Variants in AUTS2 observed in about 807,000 individuals in gnomAD.
AUTS2 encodes the protein activator of transcription and developmental regulator AUTS2, also known as autism susceptibility gene 2 protein.
In AUTS2, 17 loss-of-function variants were observed where a neutral mutation model predicts 112.4. The observed-to-expected ratio is 0.15, with a 90% CI of 0.10 to 0.23. AUTS2 has a LOEUF of 0.23. Among genes scored for constraint, AUTS2 ranks in the 10% least tolerant of loss-of-function variants. The pLI, the probability that AUTS2 is intolerant of heterozygous loss-of-function variation, is 1.00. For synonymous variants in AUTS2, 751 were observed against 702.7 expected, an observed-to-expected ratio of 1.07 and a Z score of -1.09; for missense variants, 1,510 against 1,701.6, an observed-to-expected ratio of 0.89 and a Z score of 1.98.
intron 2 of AUTS2, among the ~76,000 whole-genome samples, chr7:70,005,183 C>T (rs1426321463): frequency 6.6e-6 from 1 of 152,024 alleles, no homozygotes; most frequent in African/African-American, 2.4e-5. Flanking sequence ...GAAGCACATC[C>T]AGCTGCTGAA....
chr7:70,037,547 A>T (rs550619256), intron 2 of AUTS2, among the ~76,000 whole-genome samples: 5 of 152,330 alleles, frequency 3.3e-5, no homozygotes, highest in Non-Finnish European at 7.4e-5. Context: ...TTATTTAAAA[A>T]TATTTTAAAA....
intron 5 of AUTS2, among the ~76,000 whole-genome samples, chr7:70,625,609 G>A (rs1034382874): frequency 9.2e-5 from 14 of 152,210 alleles, no homozygotes; most frequent in Non-Finnish European, 1.5e-4. Flanking sequence ...GTAACCGCTT[G>A]TACCAAACAC....
At chr7:70,183,638 T>A (rs1265966368) in intron 4 of AUTS2, among the ~76,000 whole-genome samples, 2 of 152,224 alleles carry the variant, frequency 1.3e-5, no homozygotes, top group South Asian at 4.1e-4. Flanking sequence ...TTCCCTTTCC[T>A]CTTCCTTCTG....
chr7:69,658,448 A>G (rs1795641875), intron 1 of AUTS2, among the ~76,000 whole-genome samples: 1 of 152,222 alleles, frequency 6.6e-6, no homozygotes, highest in South Asian at 2.1e-4. Flanking sequence ...TAAGTTTTAG[A>G]GGTAGTGGTT....
At chr7:70,251,664 A>G (rs888430506) in intron 4 of AUTS2, among the ~76,000 whole-genome samples, 14 of 152,078 alleles carry the variant, frequency 9.2e-5, no homozygotes, top group South Asian at 2.1e-4. Flanking sequence ...TTTCTGTACT[A>G]CATTCCAGAT....
intron 1 of AUTS2, among the ~76,000 whole-genome samples, chr7:69,737,716 G>C (rs1375118315): frequency 6.6e-6 from 1 of 152,090 alleles, no homozygotes; most frequent in Non-Finnish European, 1.5e-5. Flanking sequence ...TCACCCTCTT[G>C]TTTTGCTCAT....
intron 4 of AUTS2, among the ~76,000 whole-genome samples, chr7:70,342,963 G>A (rs75604166): frequency 0.014 from 2,195 of 152,222 alleles, 29 homozygotes; most frequent in Non-Finnish European, 0.02. Context: ...ATACAGGATT[G>A]TTTCTAAGAA....
chr7:69,707,756 A>G (rs2129197181), intron 1 of AUTS2, among the ~76,000 whole-genome samples: 1 of 152,350 alleles, frequency 6.6e-6, no homozygotes, highest in Admixed American at 6.5e-5. Flanking sequence ...GTGGGAGAAC[A>G]TGATACCTAC....
intron 5 of AUTS2, among the ~76,000 whole-genome samples, chr7:70,458,481 G>A (rs925822672): frequency 2.0e-5 from 3 of 152,158 alleles, no homozygotes; most frequent in Non-Finnish European, 4.4e-5. Flanking sequence ...CTTTTCTAAA[G>A]CTGACTCTCT....
intron 1 of AUTS2, among the ~76,000 whole-genome samples, chr7:69,790,752 G>C (rs1346794287): frequency 1.3e-5 from 2 of 152,214 alleles, no homozygotes; most frequent in African/African-American, 4.8e-5. Context: ...AAAACTGTAA[G>C]GTCCAGATGA....
intron 4 of AUTS2, among the ~76,000 whole-genome samples, chr7:70,432,304 G>A (rs1231231765): frequency 1.3e-5 from 2 of 152,198 alleles, no homozygotes; most frequent in East Asian, 1.9e-4. Context: ...GTGGCTCAAT[G>A]TGAACTCTTA....
At position 70,449,703 on chromosome 7, in the gene AUTS2, TATA is replaced by T. The variant is rs1392935653; in HGVS notation, c.690+13928_690+13930del. Among the ~76,000 whole-genome samples the T allele has an allele frequency of 3.9e-5, 6 of 152,332 alleles. No individual in the cohort carries two copies. In the East Asian group the frequency reaches 1.2e-3, roughly 29 times the overall value. On this transcript the variant is annotated intron_variant, in intron 5 of 18. Coordinates refer to ENST00000342771, the MANE Select transcript of AUTS2 (RefSeq NM_015570.4). ...ATATGGATACGTATTTACAATTATG[TATA>T]ATAATTGCCTAAATATTCATAGAGT...
At chr7:69,609,965 C>T (rs1467893318) in intron 1 of AUTS2, among the ~76,000 whole-genome samples, 3 of 152,226 alleles carry the variant, frequency 2.0e-5, no homozygotes, top group Admixed American at 1.3e-4. Flanking sequence ...GATACCTGAG[C>T]ATTGTGCCTT....
chr7:70,021,293 T>G (rs1201561169), intron 2 of AUTS2, among the ~76,000 whole-genome samples: 1 of 152,246 alleles, frequency 6.6e-6, no homozygotes, highest in East Asian at 1.9e-4. Context: ...GAACCTTTTC[T>G]TGACTCCACT....
chr7:70,663,133 G>A (rs1355451159), intron 5 of AUTS2, among the ~76,000 whole-genome samples: 3 of 152,218 alleles, frequency 2.0e-5, no homozygotes, highest in African/African-American at 4.8e-5. Flanking sequence ...GATGGCTCAC[G>A]CCTGTAATCC....
At chr7:70,620,948 A>C (rs7791651) in intron 5 of AUTS2, among the ~76,000 whole-genome samples, 66,958 of 152,046 alleles carry the variant, frequency 0.44, 15,468 homozygotes, top group Middle Eastern at 0.54. Context: ...CCAGTTCAGC[A>C]GCTGAGCAGC....
intron 2 of AUTS2, among the ~76,000 whole-genome samples, chr7:70,036,689 G>A (rs550410133): frequency 6.6e-6 from 1 of 152,288 alleles, no homozygotes; most frequent in African/African-American, 2.4e-5. Context: ...TGGGCCTGTG[G>A]GTCTGTGGCT....
intron 6 of AUTS2, among the ~76,000 whole-genome samples, chr7:70,754,464 G>A (rs1789062647): frequency 6.6e-6 from 1 of 152,198 alleles, no homozygotes; most frequent in South Asian, 2.1e-4. Context: ...ATCCCAGCCT[G>A]GGCAACAGAG....
chr7:69,657,380 T>A (rs1445750513), intron 1 of AUTS2, among the ~76,000 whole-genome samples: 1 of 152,204 alleles, frequency 6.6e-6, no homozygotes, highest in African/African-American at 2.4e-5. Flanking sequence ...AAAACCTGTT[T>A]GATTTTTTTC....
Sources: gnomAD v4.1 joint callset for allele counts (sites outside exome capture counted in the v4.1 genomes callset) on GRCh38, gnomAD v4.1.1 for gene constraint, MANE v1.5 for transcripts, NCBI Gene and HGNC (gene_info 2026-07-23, HGNC 2026-07-21) for gene names.